Variants in CPEB2 observed in about 807,000 individuals in gnomAD.
The protein encoded by CPEB2 is cytoplasmic polyadenylation element binding protein 2.
A neutral mutation model predicts 93.6 loss-of-function variants in CPEB2; 56 were observed. The ratio of observed to expected loss-of-function variants is 0.60; its 90% confidence interval spans 0.48 to 0.75. The LOEUF is 0.75. Among genes scored for constraint, CPEB2 ranks in the 30% least tolerant of loss-of-function variants. CPEB2 has a pLI of 0.00. For synonymous variants in CPEB2, 764 were observed against 586.3 expected (o/e 1.30, Z -4.38); for missense variants, 1,579 against 1,395.1 (o/e 1.13, Z -2.10).
intron 10 of CPEB2, among the ~76,000 whole-genome samples, chr4:15,060,817 AAG>A (rs1729124590): frequency 6.6e-6 from 1 of 152,176 alleles, no homozygotes; most frequent in East Asian, 1.9e-4. Flanking sequence ...GCCAAAAGCA[AAG>A]AGAGATAAGG....
chr4:15,062,906 C>T (rs1313321986), intron 11 of CPEB2, among the ~76,000 whole-genome samples: 2 of 151,984 alleles, frequency 1.3e-5, no homozygotes, highest in Admixed American at 1.3e-4. Flanking sequence ...CTGAATAATT[C>T]CAAGTACTGA....
In CPEB2 at chr4:15,002,976, G is replaced by T; in HGVS notation, c.303G>T (p.Leu101=). ...QTMQDELLLG[L]TQQPARPLSG... is the part of the protein sequence containing the mutation. ...TGCAGGATGAGCTGCTTCTGGGGCT[G>T]ACACAGCAGCCGGCGCGGCCGCTTT... The change falls in exon 1 of 12, where the codon CTG becomes CTT. Residue 101 remains leucine, a synonymous_variant. Transcript: ENST00000538197. The T allele has an allele frequency of 6.6e-7, 1 of 1,507,640 alleles. No individual in the cohort carries two copies. The highest frequency in any genetic ancestry group is 1.2e-5 in the South Asian group (1 of 80,882). 93.4% of individuals were successfully genotyped at this position (1,507,640 alleles called of 1,614,324 possible). A position where few individuals can be genotyped will look rare whatever the true frequency, so the allele number is the denominator to read the frequency against.
In CPEB2 at chr4:15,002,487, G is replaced by A. The variant is rs1346177414; in HGVS notation, c.-187G>A. Among the ~76,000 whole-genome samples the A allele has an allele frequency of 6.6e-6, 1 of 151,222 alleles. No individual in the cohort carries two copies. The highest frequency in any genetic ancestry group is 1.5e-5 in the Non-Finnish European group (1 of 67,680). ...CAGGGCGGCTACGGCGACTGCGACG[G>A]CGGCGGCGGCGGCGATCGCCGCGAG... is the stretch of plus-strand genomic sequence containing the variant. On this transcript the variant is annotated 5_prime_UTR_variant, in exon 1 of 12. Transcript: ENST00000538197.
At chr4:15,029,757 T>C (rs958152380) in intron 4 of CPEB2, among the ~76,000 whole-genome samples, 1 of 152,104 alleles carries the variant, frequency 6.6e-6, no homozygotes, top group African/African-American at 2.4e-5. Flanking sequence ...GAAGCTCCTT[T>C]TTATCTCATT....
Position 15,067,201 on chromosome 4 carries a change from C to G in CPEB2, c.*821C>G, listed in dbSNP as rs1386734394. 3 of 152,466 alleles carry G rather than the reference C, an allele frequency of 2.0e-5. No homozygotes were observed. The highest frequency in any genetic ancestry group is 7.2e-5 in the African/African-American group (3 of 41,426). The allele number at this position is 152,466 out of a possible 1,614,324, so 9.4% of individuals were successfully genotyped here. A position where few individuals can be genotyped will look rare whatever the true frequency, so the allele number is the denominator to read the frequency against. Reference sequence around the variant, plus strand: ...GGTATTGCAAATGTTCAAAAAAGCTCTCTTGAATCTAGGTAGCATGAACAA... The same window carrying G: ...GGTATTGCAAATGTTCAAAAAAGCTGTCTTGAATCTAGGTAGCATGAACAA... On this transcript the variant is annotated 3_prime_UTR_variant, in exon 12 of 12. Transcript: ENST00000538197.
chr4:15,007,560 A>G lies in CPEB2; in HGVS notation c.1918A>G (p.Asn640Asp), dbSNP rs1398502086. The G allele has an allele frequency of 6.2e-7, 1 of 1,608,658 alleles. No homozygotes were observed. The highest frequency in any genetic ancestry group is 1.7e-5 in the Admixed American group (1 of 59,660). The change falls in exon 2 of 12, where the codon AAT becomes GAT. Residue 640 changes from asparagine (N) to aspartate (D), a missense_variant. Asn to Asp is a conservative substitution (Grantham distance 23). Coordinates refer to ENST00000538197, the MANE Select transcript of CPEB2 (RefSeq NM_001177382.2). ...AGATAATGTGTTCAGAACAGACAAC[A>G]ATAGTAATACACTCTTACCCTTACA... ...IEDNVFRTDN[N>D]SNTLLPLQVR...
intron 5 of CPEB2, among the ~76,000 whole-genome samples, chr4:15,039,901 G>T (rs1329020306): frequency 1.3e-5 from 2 of 152,028 alleles, no homozygotes; most frequent in Non-Finnish European, 2.9e-5. Context: ...GTTTAACATT[G>T]ATTTCTTAAA....
At chr4:15,045,368 C>T (rs1727561899) in intron 6 of CPEB2, among the ~76,000 whole-genome samples, 1 of 151,992 alleles carries the variant, frequency 6.6e-6, no homozygotes. Flanking sequence ...GTCATAAATA[C>T]CTGTACATAT....
chr4:15,003,648 C>G lies in CPEB2; in HGVS notation c.975C>G (p.Pro325=). ...CCAACCACCCTCTGCTCAACAGTCCCAGTAACCTCCTGCCCGGAGGTGCGC... is the reference window on the plus strand; with the variant it reads ...CCAACCACCCTCTGCTCAACAGTCCGAGTAACCTCCTGCCCGGAGGTGCGC... ...ESPNHPLLNS[P]SNLLPGGALG... The change falls in exon 1 of 12, where the codon CCC becomes CCG. Residue 325 remains proline (P), a synonymous_variant. Transcript: ENST00000538197. The G allele has an allele frequency of 6.8e-7, 1 of 1,479,152 alleles. No homozygotes were observed. The highest frequency in any genetic ancestry group is 8.9e-7 in the Non-Finnish European group (1 of 1,118,998). 91.6% of individuals were successfully genotyped at this position (1,479,152 alleles called of 1,614,324 possible).
intron 4 of CPEB2, among the ~76,000 whole-genome samples, chr4:15,025,955 T>TA (rs1159950497): frequency 6.6e-6 from 1 of 152,168 alleles, no homozygotes; most frequent in East Asian, 1.9e-4. Context: ...TATGCCTCTT[T>TA]AAAAATCTTT....
intron 1 of CPEB2, among the ~76,000 whole-genome samples, chr4:15,005,979 C>T (rs143953776): frequency 6.6e-6 from 1 of 152,044 alleles, no homozygotes; most frequent in African/African-American, 2.4e-5. Context: ...GAACATATAC[C>T]ATGATCCATA....
intron 4 of CPEB2, among the ~76,000 whole-genome samples, chr4:15,021,369 G>T (rs1428808735): frequency 2.6e-5 from 4 of 152,066 alleles, no homozygotes; most frequent in African/African-American, 9.7e-5. Context: ...TAGTTTTTCA[G>T]TTTTAGATTT....
rs56945294 is a variant in CPEB2 at position 15,018,936 on chromosome 4, T to TTATATATA, written c.2125+1685_2125+1692dup. On this transcript the variant is annotated intron_variant, in intron 4 of 11. Coordinates refer to ENST00000538197, the MANE Select transcript of CPEB2 (RefSeq NM_001177382.2). ...AAGCATTATAAGGCTAAGGGGAATTTTATATATATATATATATATATATAT... is the reference window on the plus strand; with the variant it reads ...AAGCATTATAAGGCTAAGGGGAATTTTATATATATATATATATATATATATATATATAT... Among the ~76,000 whole-genome samples, 279 of 133,088 alleles carry TTATATATA rather than the reference T, an allele frequency of 2.1e-3. 1 individual carries two copies. The highest frequency in any genetic ancestry group is 6.1e-3 in the African/African-American group (219 of 35,824). The allele number at this position is 133,088 out of a possible 152,430, so 87.3% of individuals were successfully genotyped here. A position where few individuals can be genotyped will look rare whatever the true frequency, so the allele number is the denominator to read the frequency against.
In CPEB2 at chr4:15,049,730, A is replaced by C. The variant is rs552687715; in HGVS notation, c.2201-2684A>C. ...TTAAGCAATATTCACAAAGTTACTC[A>C]GTGAACATGGGTATTTTTCAGAACA... On this transcript the variant is annotated intron_variant, in intron 6 of 11. Transcript: ENST00000538197. 4.6e-5 allele frequency among the ~76,000 whole-genome samples: 7 copies of C among 152,358 alleles called. No homozygotes were observed. In the South Asian group the frequency reaches 1.2e-3, roughly 27 times the overall value.
intron 6 of CPEB2, among the ~76,000 whole-genome samples, chr4:15,047,587 A>G (rs1727830501): frequency 6.6e-6 from 1 of 151,996 alleles, no homozygotes; most frequent in Non-Finnish European, 1.5e-5. Flanking sequence ...GGTTTTTGTA[A>G]ATTGAATTTG....
At chr4:15,063,240 C>T (rs1729370690) in intron 11 of CPEB2, among the ~76,000 whole-genome samples, 2 of 151,958 alleles carry the variant, frequency 1.3e-5, no homozygotes, top group African/African-American at 4.8e-5. Flanking sequence ...CTAGACCATG[C>T]ATGCTAGAAG....
At position 15,002,925 on chromosome 4, in the gene CPEB2, C is replaced by G. The variant is rs1483416200; in HGVS notation, c.252C>G (p.Ser84=). 6.6e-7 allele frequency: 1 copy of G among 1,516,028 alleles called. No homozygotes were observed. The highest frequency in any genetic ancestry group is 8.8e-7 in the Non-Finnish European group (1 of 1,141,722). 93.9% of individuals were successfully genotyped at this position (1,516,028 alleles called of 1,614,324 possible). A position where few individuals can be genotyped will look rare whatever the true frequency, so the allele number is the denominator to read the frequency against. Residue 84 remains serine (S), a synonymous_variant, in exon 1 of 12, where the codon TCC becomes TCG. Transcript: ENST00000538197. ...CGGCCGCCGCCGCTTCCTCTTCCTC[C>G]CCGTTCCTGGCGCATCAGCAGACCA... ...GSPAAAASSS[S]PFLAHQQTMQ...
chr4:15,057,823 G>A lies in CPEB2; in HGVS notation c.2462-598G>A, dbSNP rs112031899. ...CATGTTTCATTCCAGCCTTCCTACTGTAGCTTTCTTAGTATCATTGGGAAG... is the reference window on the plus strand; with the variant it reads ...CATGTTTCATTCCAGCCTTCCTACTATAGCTTTCTTAGTATCATTGGGAAG... On this transcript the variant is annotated intron_variant, in intron 8 of 11. Transcript: ENST00000538197. Among the ~76,000 whole-genome samples the A allele has an allele frequency of 6.7e-3, 1,014 of 152,228 alleles. 12 individuals are homozygous for A. Among genetic ancestry groups the A allele is most frequent in the African/African-American group, 0.023 (954 of 41,544 alleles).
chr4:15,004,976 T>A (rs1261551528), intron 1 of CPEB2: 2 of 152,194 alleles, frequency 1.3e-5, no homozygotes, highest in Non-Finnish European at 2.9e-5. Context: ...GGCGGTGATC[T>A]CGCCTTGAAG....
Sources: allele counts gnomAD v4.1 joint callset (sites outside exome capture counted in the v4.1 genomes callset), GRCh38; gene constraint gnomAD v4.1.1; transcripts MANE v1.5; gene names NCBI Gene and HGNC (gene_info 2026-07-23, HGNC 2026-07-21).